The following USP6NL variants were observed in gnomAD, a reference collection of about 807,000 sequenced individuals.
The protein encoded by USP6NL is USP6 N-terminal like, also known as USP6 N-terminal-like protein.
Under a neutral mutation model 61.9 loss-of-function variants are expected in USP6NL, and 26 were observed. The ratio of observed to expected loss-of-function variants is 0.42; its 90% CI spans 0.31 to 0.58. The LOEUF is 0.58. USP6NL is among the 20% of genes least tolerant of loss of function. The probability of loss-of-function intolerance (pLI) is 0.16; values close to 1 mark genes in which losing one functional copy is unlikely to be tolerated. For synonymous variants in USP6NL, 432 were observed against 390.1 expected (o/e 1.11, Z -1.27); for missense variants, 1,114 against 1,034.3 (o/e 1.08, Z -1.06).
chr10:11,577,484 T>C (rs1374893214), intron 2 of USP6NL, among the ~76,000 whole-genome samples: 1 of 152,114 alleles, frequency 6.6e-6, no homozygotes, highest in African/African-American at 2.4e-5. Context: ...TTCTGTATAT[T>C]AGTTGTTTGT....
Position 11,597,890 on chromosome 10 carries a change from T to G in USP6NL, c.-83-173A>C, listed in dbSNP as rs1588422412. 6.6e-6 allele frequency among the ~76,000 whole-genome samples: 1 copy of G among 152,230 alleles called. No individual in the cohort carries two copies. The highest frequency in any genetic ancestry group is 1.5e-5 in the Non-Finnish European group (1 of 68,044). On this transcript the variant is annotated intron_variant, in intron 1 of 14. Transcript: ENST00000609104. This position sits in a 1 kb window ranked among gnomAD's most constrained non-coding sequence, Gnocchi z 4.6. ...ATTAATCAACTTTTAGAATATCCTG[T>G]TGAATTCGTGTTTTCCTCTTTTGGA...
At chr10:11,517,395 T>C (rs1342350704) in intron 5 of USP6NL, among the ~76,000 whole-genome samples, 9 of 152,188 alleles carry the variant, frequency 5.9e-5, no homozygotes, top group Admixed American at 3.9e-4. Context: ...TACCACTGCA[T>C]TTCACATATA....
Position 11,485,752 on chromosome 10 carries a change from T to G in USP6NL, c.759+65A>C, listed in dbSNP as rs1833435955. Reference sequence around the variant, plus strand: ...ATAAGGTAATTGGACCAAAGACAATTTAATTATCCCAGCTTTTTTTGGGGG... The same window carrying G: ...ATAAGGTAATTGGACCAAAGACAATGTAATTATCCCAGCTTTTTTTGGGGG... On this transcript the variant is annotated intron_variant, in intron 11 of 14. Transcript: ENST00000609104. This position sits in a 1 kb window ranked among gnomAD's most constrained non-coding sequence, Gnocchi z 4.8. The G allele has an allele frequency of 2.8e-6, 3 of 1,072,086 alleles. No individual in the cohort carries two copies. Among genetic ancestry groups the G allele is most frequent in the Non-Finnish European group, 1.3e-6 (1 of 742,142 alleles). The allele number at this position is 1,072,086 out of a possible 1,614,324, so 66.4% of individuals were successfully genotyped here.
chr10:11,463,242 G>A lies in USP6NL; in HGVS notation c.1686C>T (p.Gly562=), dbSNP rs188984149. ...TTTCCAGCGCCTCCTCCACGGAAGCGCCGCTGTCCAGCTCCGGGCCTGGCA... is the reference window on the plus strand; with the variant it reads ...TTTCCAGCGCCTCCTCCACGGAAGCACCGCTGTCCAGCTCCGGGCCTGGCA... ...DNVPGPELDS[G]ASVEEALERA... Residue 562 remains glycine, a synonymous_variant, in exon 15 of 15, where the codon GGC becomes GGT. Coordinates refer to ENST00000609104, the MANE Select transcript of USP6NL (RefSeq NM_014688.5). This position sits in a 1 kb window ranked among gnomAD's most constrained non-coding sequence, Gnocchi z 6.3. The A allele has an allele frequency of 2.1e-5, 34 of 1,613,526 alleles. No individual in the cohort carries two copies. The highest frequency in any genetic ancestry group is 5.5e-5 in the South Asian group (5 of 91,090).
chr10:11,529,313 T>C (rs1835550691), intron 2 of USP6NL, among the ~76,000 whole-genome samples: 1 of 152,184 alleles, frequency 6.6e-6, no homozygotes, highest in Non-Finnish European at 1.5e-5. Context: ...CAGTTCCTTA[T>C]AATGAAGATA....
At chr10:11,526,703 A>G (rs1835434242) in intron 3 of USP6NL, among the ~76,000 whole-genome samples, 1 of 152,194 alleles carries the variant, frequency 6.6e-6, no homozygotes, top group Non-Finnish European at 1.5e-5. Context: ...GAAGGAACAG[A>G]TACATAATTA....
In USP6NL at chr10:11,580,338, T is replaced by C. The variant is rs1837709705; in HGVS notation, c.4+17293A>G. Among the ~76,000 whole-genome samples the C allele has an allele frequency of 3.3e-5, 5 of 152,226 alleles. No homozygotes were observed. The South Asian group carries it at 1.0e-3, about 32-fold the overall frequency. ...TTTTGGCAGAAAGAATCAAAAGCCT[T>C]AGCCTTTTGCATACTATCTGAACAG... On this transcript the variant is annotated intron_variant, in intron 2 of 14. Transcript: ENST00000609104.
At chr10:11,526,742 A>C (rs2133400851) in intron 3 of USP6NL, among the ~76,000 whole-genome samples, 1 of 152,316 alleles carries the variant, frequency 6.6e-6, no homozygotes, top group South Asian at 2.1e-4. Flanking sequence ...ACAAAACATG[A>C]CATTTATAAA....
At chr10:11,471,112 G>A (rs1180915068) in intron 14 of USP6NL, among the ~76,000 whole-genome samples, 3 of 152,162 alleles carry the variant, frequency 2.0e-5, no homozygotes, top group African/African-American at 7.2e-5. Flanking sequence ...GTGAACCCAG[G>A]AGGCGGAGCT....
At chr10:11,550,223 A>G (rs1224350491) in intron 2 of USP6NL, among the ~76,000 whole-genome samples, 2 of 152,106 alleles carry the variant, frequency 1.3e-5, no homozygotes, top group Admixed American at 1.3e-4. Context: ...GGTTAGCCAA[A>G]TTTTTTTTAA....
rs915380044 is a variant in USP6NL, at chr10:11,561,559, C to T, written c.5-33992G>A. Reference sequence around the variant, plus strand: ...TCCAGGTCTGTTCAGATAAATTAAGCTTACTCTTCTTAATACTATTGTACT... The same window carrying T: ...TCCAGGTCTGTTCAGATAAATTAAGTTTACTCTTCTTAATACTATTGTACT... On this transcript the variant is annotated intron_variant, in intron 2 of 14. Coordinates refer to ENST00000609104, the MANE Select transcript of USP6NL (RefSeq NM_014688.5). This position sits in a 1 kb window ranked among gnomAD's most constrained non-coding sequence, Gnocchi z 4.1. Among the ~76,000 whole-genome samples, 7 of 152,300 alleles carry T rather than the reference C, an allele frequency of 4.6e-5. No homozygotes were observed. In the South Asian group the frequency reaches 1.5e-3, roughly 32 times the overall value.
intron 14 of USP6NL, among the ~76,000 whole-genome samples, chr10:11,464,282 A>G (rs1030550140): frequency 1.3e-5 from 2 of 152,222 alleles, no homozygotes; most frequent in Non-Finnish European, 2.9e-5. Flanking sequence ...TGTCTATCTT[A>G]GAAAAATAAC....
Position 11,595,453 on chromosome 10 carries a change from T to C in USP6NL, c.4+2178A>G, listed in dbSNP as rs574305700. 4.6e-5 allele frequency among the ~76,000 whole-genome samples: 7 copies of C among 152,164 alleles called. No homozygotes were observed. Among genetic ancestry groups the C allele is most frequent in the Non-Finnish European group, 1.0e-4 (7 of 68,026 alleles). ...CTAGATTGAAAATGCTTCTACTAAC[T>C]GTGCTGAGGCTACAGCTTATAAGAG... On this transcript the variant is annotated intron_variant, in intron 2 of 14. Coordinates refer to ENST00000609104, the MANE Select transcript of USP6NL (RefSeq NM_014688.5). The surrounding 1 kb of genome is among the most constrained non-coding windows in gnomAD (Gnocchi z 5.3).
chr10:11,576,403 A>G (rs1837547026), intron 2 of USP6NL, among the ~76,000 whole-genome samples: 1 of 140,146 alleles, frequency 7.1e-6, no homozygotes, highest in African/African-American at 2.4e-5. Flanking sequence ...CCTGTGTTAA[A>G]CCTAACCCCC....
At chr10:11,503,158 A>G (rs1051689542) in intron 6 of USP6NL, among the ~76,000 whole-genome samples, 6 of 152,236 alleles carry the variant, frequency 3.9e-5, no homozygotes, top group African/African-American at 1.4e-4. Context: ...ACTGATTTGA[A>G]TAACAGAAAG....
rs1838165796 is a variant in USP6NL at position 11,591,823 on chromosome 10, T to C, written c.4+5808A>G. Among the ~76,000 whole-genome samples the C allele has an allele frequency of 6.6e-6, 1 of 152,186 alleles. No individual in the cohort carries two copies. The highest frequency in any genetic ancestry group is 1.5e-5 in the Non-Finnish European group (1 of 68,028). ...CCAAAAAATTTTTAACTTAAATATA[T>C]AAGACTATATTAAATTCATATTTAA... On this transcript the variant is annotated intron_variant, in intron 2 of 14. Coordinates refer to ENST00000609104, the MANE Select transcript of USP6NL (RefSeq NM_014688.5). This position sits in a 1 kb window ranked among gnomAD's most constrained non-coding sequence, Gnocchi z 4.7.
At chr10:11,544,767 G>T (rs528905217) in intron 2 of USP6NL, among the ~76,000 whole-genome samples, 2 of 152,190 alleles carry the variant, frequency 1.3e-5, no homozygotes, top group Non-Finnish European at 2.9e-5. Context: ...GGGATTACAG[G>T]TGTGAGCCAC....
chr10:11,597,499 G>A lies in USP6NL; in HGVS notation c.4+132C>T. 1 of 918,144 alleles carries A rather than the reference G, an allele frequency of 1.1e-6. No homozygotes were observed. 56.9% of individuals were successfully genotyped at this position (918,144 alleles called of 1,614,324 possible). A position where few individuals can be genotyped will look rare whatever the true frequency, so the allele number is the denominator to read the frequency against. The stretch of plus-strand genomic sequence containing the variant: ...TTAACACAGACAAGCGCAGAGTGCT[G>A]GGTGGAACCACATTCAAACTCTGAA... On this transcript the variant is annotated intron_variant, in intron 2 of 14. Coordinates refer to ENST00000609104, the MANE Select transcript of USP6NL (RefSeq NM_014688.5). This position sits in a 1 kb window ranked among gnomAD's most constrained non-coding sequence, Gnocchi z 4.6.
chr10:11,498,449 T>C (rs1363127602), intron 7 of USP6NL, among the ~76,000 whole-genome samples: 1 of 151,658 alleles, frequency 6.6e-6, no homozygotes, highest in African/African-American at 2.4e-5. Context: ...CAAGACAGCT[T>C]GGATAGTAAA....
Sources: allele counts gnomAD v4.1 joint callset (sites outside exome capture counted in the v4.1 genomes callset), GRCh38; gene constraint gnomAD v4.1.1; non-coding constraint Gnocchi (gnomAD v3.1); transcripts MANE v1.5; gene names NCBI Gene and HGNC (gene_info 2026-07-23, HGNC 2026-07-21).